Variants in BAZ2B observed in about 807,000 individuals in gnomAD.
BAZ2B encodes bromodomain adjacent to zinc finger domain protein 2B.
BAZ2B carries 91 observed loss-of-function variants against 246.0 expected under a neutral mutation model. The observed-to-expected ratio is 0.37, with a 90% CI of 0.31 to 0.44. The LOEUF (loss-of-function observed/expected upper bound fraction) is 0.44, where lower values mean the gene tolerates loss of function less well. Ranked by LOEUF, BAZ2B falls within the 20% of genes least tolerant of loss-of-function variation. The pLI is 1.00. For missense variants in BAZ2B, 2,332 were observed against 2,533.7 expected (o/e 0.92, Z 1.71); for synonymous variants, 855 against 860.0 (o/e 0.99, Z 0.10).
intron 27 of BAZ2B, among the ~76,000 whole-genome samples, chr2:159,363,990 G>A (rs1482061667): frequency 6.6e-6 from 1 of 152,148 alleles, no homozygotes; most frequent in African/African-American, 2.4e-5. Context: ...TTGCTGGTGG[G>A]AATGCTCCTA....
At chr2:159,557,029 T>A (rs539308727) in intron 1 of BAZ2B, among the ~76,000 whole-genome samples, 17 of 152,226 alleles carry the variant, frequency 1.1e-4, no homozygotes, top group African/African-American at 3.9e-4. Flanking sequence ...CTCAGACCTT[T>A]CACCTAGTCT....
At chr2:159,348,480 A>G (rs949341626) in intron 30 of BAZ2B, among the ~76,000 whole-genome samples, 198 bp downstream of exon 30, 1 of 152,120 alleles carries the variant, frequency 6.6e-6, no homozygotes, top group Admixed American at 6.6e-5. Context: ...GGGAAGAATG[A>G]TAAGAAAAAA....
the BAZ2B span, among the ~76,000 whole-genome samples, chr2:159,658,895 C>T: frequency 6.6e-6 from 1 of 152,104 alleles, no homozygotes; most frequent in Admixed American, 6.5e-5. Flanking sequence ...ATCAAGCAAT[C>T]CTCCCGCCTC....
chr2:159,595,550 G>GTATGCTAAAAT (rs1690501190), intron 1 of BAZ2B, among the ~76,000 whole-genome samples: 3 of 152,088 alleles, frequency 2.0e-5, no homozygotes, highest in Admixed American at 2.0e-4. Context: ...CTAAAATGCT[G>GTATGCTAAAAT]GTATATGACA....
At chr2:159,502,990 C>A (rs1003922849) in intron 2 of BAZ2B, among the ~76,000 whole-genome samples, 4 of 152,150 alleles carry the variant, frequency 2.6e-5, no homozygotes, top group Admixed American at 2.0e-4. Flanking sequence ...CTATTCCCAC[C>A]ATCATCTTAA....
At chr2:159,499,742 T>C (rs58707547) in intron 2 of BAZ2B, among the ~76,000 whole-genome samples, 40,864 of 152,126 alleles carry the variant, frequency 0.27, 6,928 homozygotes, top group Non-Finnish European at 0.38. Context: ...TATCTCGTTG[T>C]GGTTTTGATC....
At chr2:159,421,155 AC>A (rs2068669108) in intron 13 of BAZ2B, among the ~76,000 whole-genome samples, 1 of 150,722 alleles carries the variant, frequency 6.6e-6, no homozygotes, top group Non-Finnish European at 1.5e-5. Flanking sequence ...TGTATCTTAT[AC>A]CCTATTTCTT....
intron 1 of BAZ2B, among the ~76,000 whole-genome samples, chr2:159,577,529 T>C (rs35635955): frequency 0.065 from 9,936 of 152,290 alleles, 421 homozygotes; most frequent in Middle Eastern, 0.19. Context: ...TAAAAGAGGA[T>C]ACCAGTTCTT....
At chr2:159,576,046 T>A (rs139312511) in intron 1 of BAZ2B, among the ~76,000 whole-genome samples, 115 of 152,280 alleles carry the variant, frequency 7.6e-4, no homozygotes, top group African/African-American at 2.6e-3. Context: ...AACAAACAGC[T>A]TCACAACATT....
At chr2:159,602,198 T>C (rs1211815358) in intron 1 of BAZ2B, among the ~76,000 whole-genome samples, 1 of 152,180 alleles carries the variant, frequency 6.6e-6, no homozygotes. Flanking sequence ...TGGTCTTCTA[T>C]ACCCATATTT....
chr2:159,653,832 T>C, the BAZ2B span, among the ~76,000 whole-genome samples: 3 of 152,056 alleles, frequency 2.0e-5, no homozygotes, highest in African/African-American at 7.2e-5. Context: ...AATCAGAAAA[T>C]GTGCTTGTAT....
chr2:159,438,001 CAAACAT>C (rs2072721713), intron 8 of BAZ2B: 2 of 214,738 alleles, frequency 9.3e-6, no homozygotes, highest in South Asian at 2.1e-4. Context: ...TTGTCTTACT[CAAACAT>C]ATTTATCCCC....
At chr2:159,423,809 T>C (rs2069233608) in intron 13 of BAZ2B, among the ~76,000 whole-genome samples, 1 of 152,132 alleles carries the variant, frequency 6.6e-6, no homozygotes. Flanking sequence ...GAGCTAAACA[T>C]TGAATATCCA....
chr2:159,464,666 A>T (rs1232427827), intron 3 of BAZ2B: 1 of 152,224 alleles, frequency 6.6e-6, no homozygotes, highest in Admixed American at 6.5e-5. Context: ...AACATGCCGA[A>T]TAAGCTTTGT....
the BAZ2B span, among the ~76,000 whole-genome samples, chr2:159,707,683 C>T: frequency 3.9e-4 from 59 of 152,196 alleles, no homozygotes; most frequent in African/African-American, 1.2e-3. Context: ...AAAAATTAGC[C>T]AGGCATTGTG....
At chr2:159,581,267 G>A (rs968660757) in intron 1 of BAZ2B, among the ~76,000 whole-genome samples, 5 of 152,048 alleles carry the variant, frequency 3.3e-5, no homozygotes, top group Non-Finnish European at 7.4e-5. Flanking sequence ...CAAAGGATAC[G>A]AACAGACACT....
intron 2 of BAZ2B, among the ~76,000 whole-genome samples, chr2:159,546,359 G>A (rs770256833): frequency 9.2e-5 from 14 of 151,500 alleles, no homozygotes; most frequent in Non-Finnish European, 1.6e-4. Flanking sequence ...CCATCCATGT[G>A]AGACGTGACT....
intron 4 of BAZ2B, among the ~76,000 whole-genome samples, chr2:159,450,879 AC>A (rs2074998671): frequency 6.6e-6 from 1 of 151,784 alleles, no homozygotes; most frequent in African/African-American, 2.4e-5. Context: ...AGCTGGGATT[AC>A]AGGCATGCAC....
chr2:159,390,297 T>A (rs2063173698), intron 20 of BAZ2B, among the ~76,000 whole-genome samples: 1 of 152,142 alleles, frequency 6.6e-6, no homozygotes, highest in East Asian at 1.9e-4. Context: ...ACTTTTGAAT[T>A]CCAGACTCTT....
Sources: allele counts gnomAD v4.1 joint callset (sites outside exome capture counted in the v4.1 genomes callset), GRCh38; gene constraint gnomAD v4.1.1; transcripts MANE v1.5; gene names NCBI Gene and HGNC (gene_info 2026-07-23, HGNC 2026-07-21).